The following RASAL2 variants were observed in gnomAD, a reference collection of about 807,000 sequenced individuals.
RASAL2 encodes the protein RAS protein activator like 2, also known as ras GTPase-activating protein nGAP.
Under a neutral mutation model 128.9 loss-of-function variants are expected in RASAL2, and 58 were observed. That is an observed-to-expected ratio of 0.45 (90% CI 0.36 to 0.56). RASAL2 has a LOEUF of 0.56. Ranked by LOEUF, RASAL2 falls within the 20% of genes least tolerant of loss-of-function variation. The pLI is 0.00. For missense variants in RASAL2, 1,360 were observed against 1,601.6 expected (o/e 0.85, Z 2.57); for synonymous variants, 561 against 580.8 (o/e 0.97, Z 0.49).
chr1:178,356,679 G>T (rs934214209), intron 3 of RASAL2, among the ~76,000 whole-genome samples: 1 of 152,160 alleles, frequency 6.6e-6, no homozygotes, highest in Non-Finnish European at 1.5e-5. Flanking sequence ...ATAAAAGCAA[G>T]GAATGTTTAC....
chr1:178,191,330 A>G (rs1242107476), intron 1 of RASAL2, among the ~76,000 whole-genome samples: 1 of 151,572 alleles, frequency 6.6e-6, no homozygotes, highest in African/African-American at 2.4e-5. Context: ...GTTAAATATA[A>G]TATAAATGAA....
At chr1:178,126,383 G>C (rs1229927003) in intron 1 of RASAL2, among the ~76,000 whole-genome samples, 1 of 152,132 alleles carries the variant, frequency 6.6e-6, no homozygotes, top group Non-Finnish European at 1.5e-5. Flanking sequence ...TATTTGCCTA[G>C]GTTGACTAGC....
intron 1 of RASAL2, among the ~76,000 whole-genome samples, chr1:178,173,139 G>T (rs1483287675): frequency 2.6e-5 from 4 of 152,120 alleles, no homozygotes; most frequent in Non-Finnish European, 1.5e-5. Flanking sequence ...CAGTGTTGTG[G>T]GGAGGAGAGA....
intron 1 of RASAL2, among the ~76,000 whole-genome samples, chr1:178,225,598 T>C (rs539897427): frequency 6.6e-6 from 1 of 152,220 alleles, no homozygotes; most frequent in South Asian, 2.1e-4. Context: ...TTCTTAGCTA[T>C]ACTCCTCACA....
intron 3 of RASAL2, among the ~76,000 whole-genome samples, chr1:178,322,225 G>A (rs190500817): frequency 6.6e-6 from 1 of 152,124 alleles, no homozygotes; most frequent in East Asian, 1.9e-4. Context: ...CTTGACTTCT[G>A]TGACATTTTT....
intron 3 of RASAL2, among the ~76,000 whole-genome samples, chr1:178,308,019 G>T (rs1039432023): frequency 2.6e-5 from 4 of 152,026 alleles, no homozygotes; most frequent in Non-Finnish European, 5.9e-5. Flanking sequence ...CTAACTCAAG[G>T]CTGCAGAGAT....
intron 3 of RASAL2, among the ~76,000 whole-genome samples, chr1:178,355,257 T>A (rs1473958835): frequency 6.6e-6 from 1 of 152,180 alleles, no homozygotes; most frequent in East Asian, 1.9e-4. Context: ...CTATATTAAT[T>A]GAGACAAAGT....
chr1:178,413,160 A>G (rs1311298392), intron 4 of RASAL2, among the ~76,000 whole-genome samples: 2 of 152,046 alleles, frequency 1.3e-5, no homozygotes, highest in Admixed American at 6.5e-5. Context: ...GGGTTTTGCC[A>G]TGTTGGCCAG....
intron 3 of RASAL2, among the ~76,000 whole-genome samples, chr1:178,305,311 A>G (rs774238927): frequency 1.3e-5 from 2 of 152,180 alleles, no homozygotes; most frequent in Admixed American, 6.5e-5. Flanking sequence ...TAAAATTTAT[A>G]TGGAATCACA....
intron 3 of RASAL2, among the ~76,000 whole-genome samples, chr1:178,315,260 G>A (rs2102315087): frequency 6.7e-6 from 1 of 149,722 alleles, no homozygotes; most frequent in East Asian, 1.9e-4. Flanking sequence ...ACATGTGCAT[G>A]TGTCTTTATA....
intron 1 of RASAL2, among the ~76,000 whole-genome samples, chr1:178,158,958 T>A (rs920323206): frequency 6.6e-6 from 1 of 152,186 alleles, no homozygotes; most frequent in African/African-American, 2.4e-5. Context: ...TGATGACTTC[T>A]AGATGCTCAG....
Position 178,365,542 on chromosome 1 carries a change from G to A in RASAL2, c.458-24558G>A, listed in dbSNP as rs529684597. Among the ~76,000 whole-genome samples, 16 of 152,210 alleles carry A rather than the reference G, an allele frequency of 1.1e-4. No individual in the cohort carries two copies. In the South Asian group the frequency reaches 3.3e-3, roughly 32 times the overall value. On this transcript the variant is annotated intron_variant, in intron 3 of 17. Coordinates refer to ENST00000367649, the MANE Select transcript of RASAL2 (RefSeq NM_170692.4). ...GCTGGAGTGCAGTGACATGATCTAG[G>A]CTCACTGCAACCTCTGCCTCCCGGC... is the stretch of plus-strand genomic sequence containing the variant.
At chr1:178,144,217 A>T (rs558289665) in intron 1 of RASAL2, among the ~76,000 whole-genome samples, 1 of 152,282 alleles carries the variant, frequency 6.6e-6, no homozygotes, top group East Asian at 1.9e-4. Flanking sequence ...CCGTACAGAG[A>T]GAAAGTTGAT....
At chr1:178,315,729 A>G (rs1394461809) in intron 3 of RASAL2, among the ~76,000 whole-genome samples, 1 of 145,840 alleles carries the variant, frequency 6.9e-6, no homozygotes, top group African/African-American at 2.7e-5. Flanking sequence ...ACTTTCTCCC[A>G]TTTTGTAGGT....
chr1:178,451,869 C>T lies in RASAL2; in HGVS notation c.1772+154C>T, dbSNP rs989316540. ...AGAAAAATTGAAAGTTTCCCTAATA[C>T]AGTCCCGTCTAAAATTGAAATCTCT... On this transcript the variant is annotated intron_variant, in intron 10 of 17. Coordinates refer to ENST00000367649, the MANE Select transcript of RASAL2 (RefSeq NM_170692.4). Among the ~76,000 whole-genome samples the T allele has an allele frequency of 3.3e-5, 5 of 152,158 alleles. No homozygotes were observed. In the East Asian group the frequency reaches 7.7e-4, roughly 23 times the overall value.
intron 2 of RASAL2, 106 bp from the exon 3 acceptor site, chr1:178,299,886 T>C (rs757387673): frequency 2.6e-6 from 3 of 1,154,760 alleles, no homozygotes; most frequent in Non-Finnish European, 3.7e-6. Flanking sequence ...CCTGCCTTAC[T>C]CTTTGTTACA....
intron 1 of RASAL2, among the ~76,000 whole-genome samples, chr1:178,182,387 G>C (rs138446041): frequency 1.4e-4 from 22 of 152,192 alleles, no homozygotes; most frequent in African/African-American, 5.1e-4. Context: ...CCTTTTATTG[G>C]AGAATAATAT....
At chr1:178,414,308 G>T (rs563223751) in intron 4 of RASAL2, among the ~76,000 whole-genome samples, 3 of 152,144 alleles carry the variant, frequency 2.0e-5, no homozygotes, top group Non-Finnish European at 4.4e-5. Flanking sequence ...AGTGTGGGAG[G>T]TACTGAGGGA....
At chr1:178,432,009 G>T (rs973541818) in intron 5 of RASAL2, among the ~76,000 whole-genome samples, 3 of 151,024 alleles carry the variant, frequency 2.0e-5, no homozygotes, top group Non-Finnish European at 3.0e-5. Flanking sequence ...AACTGTTAAT[G>T]GCCTCCTTTC....
Sources: gnomAD v4.1 joint callset for allele counts (sites outside exome capture counted in the v4.1 genomes callset) on GRCh38, gnomAD v4.1.1 for gene constraint, MANE v1.5 for transcripts, NCBI Gene and HGNC (gene_info 2026-07-23, HGNC 2026-07-21) for gene names.